BAIAP2L1: variants seen among roughly 807,000 people sequenced by gnomAD.
BAIAP2L1 encodes BAR/IMD domain containing adaptor protein 2 like 1, also known as BAR/IMD domain-containing adapter protein 2-like 1.
A neutral mutation model predicts 66.3 loss-of-function variants in BAIAP2L1; 35 were observed. That is an observed-to-expected ratio of 0.53 (90% CI 0.40 to 0.70). BAIAP2L1 has a LOEUF of 0.70. BAIAP2L1 is among the 30% of genes least tolerant of loss of function. BAIAP2L1 has a pLI of 0.00. For synonymous variants in BAIAP2L1, 269 were observed against 248.7 expected, an observed-to-expected ratio of 1.08 and a Z score of -0.77; for missense variants, 622 against 656.9, an observed-to-expected ratio of 0.95 and a Z score of 0.58.
chr7:98,318,433 C>T (rs890902316), intron 5 of BAIAP2L1, among the ~76,000 whole-genome samples: 1 of 151,806 alleles, frequency 6.6e-6, no homozygotes, highest in Admixed American at 6.6e-5. Context: ...GGATTACAGG[C>T]GCACACAACC....
intron 10 of BAIAP2L1, 58 bp from the exon 11 acceptor site, chr7:98,306,574 C>T (rs747273857): frequency 4.0e-5 from 64 of 1,612,746 alleles, no homozygotes; most frequent in Middle Eastern, 1.6e-4. Context: ...ACGGCAACCT[C>T]CCTGAACAAC....
intron 1 of BAIAP2L1, among the ~76,000 whole-genome samples, chr7:98,386,824 C>G (rs1301341856): frequency 6.6e-6 from 1 of 151,178 alleles, no homozygotes; most frequent in African/African-American, 2.4e-5. Context: ...CTCAGCCTCC[C>G]GAGTAGCTGG....
In BAIAP2L1 at chr7:98,292,896, C is replaced by T. The variant is rs1339619498; in HGVS notation, c.*625G>A. ...TCGGAGGAGATTTCGTCGAGTGCTACGTGTGGCTGTGATAAGGGCAGGCAA... is the reference window on the plus strand; with the variant it reads ...TCGGAGGAGATTTCGTCGAGTGCTATGTGTGGCTGTGATAAGGGCAGGCAA... On this transcript the variant is annotated 3_prime_UTR_variant, in exon 14 of 14. Transcript: ENST00000005260. The T allele has an allele frequency of 4.9e-6, 7 of 1,422,428 alleles. No individual in the cohort carries two copies. The highest frequency in any genetic ancestry group is 2.9e-5 in the African/African-American group (2 of 69,340). 88.1% of individuals were successfully genotyped at this position (1,422,428 alleles called of 1,614,324 possible). A position where few individuals can be genotyped will look rare whatever the true frequency, so the allele number is the denominator to read the frequency against.
intron 1 of BAIAP2L1, 143 bp downstream of exon 1, chr7:98,400,659 G>T: frequency 1.1e-6 from 1 of 920,470 alleles, no homozygotes; most frequent in Admixed American, 2.0e-5. Flanking sequence ...AGGGCCAGGG[G>T]AGGAGTGGGA....
At chr7:98,336,866 T>C (rs540518333) in intron 3 of BAIAP2L1, among the ~76,000 whole-genome samples, 21 of 152,294 alleles carry the variant, frequency 1.4e-4, no homozygotes, top group African/African-American at 4.6e-4. Flanking sequence ...TCACTATCCA[T>C]GGAATCAAGG....
chr7:98,308,560 G>A (rs962067171), intron 9 of BAIAP2L1: 2 of 342,876 alleles, frequency 5.8e-6, no homozygotes, highest in Admixed American at 3.8e-5. Flanking sequence ...ACCAGCTAGG[G>A]CAGGTTTGTC....
intron 1 of BAIAP2L1, among the ~76,000 whole-genome samples, chr7:98,378,426 C>T (rs1182588541): frequency 6.6e-6 from 1 of 152,200 alleles, no homozygotes; most frequent in South Asian, 2.1e-4. Context: ...CTGAGGCACA[C>T]TGGCCTCCGG....
intron 3 of BAIAP2L1, among the ~76,000 whole-genome samples, chr7:98,347,891 A>G (rs1433782854): frequency 1.3e-5 from 2 of 152,300 alleles, no homozygotes; most frequent in East Asian, 3.9e-4. Context: ...AACACAGAAC[A>G]GAAAACCAAA....
At chr7:98,308,660 AG>A (rs1253778306) in intron 9 of BAIAP2L1, 3 of 232,066 alleles carry the variant, frequency 1.3e-5, no homozygotes, top group Non-Finnish European at 2.6e-5. Flanking sequence ...GAAAAAAGGT[AG>A]AAAAAAATAT....
chr7:98,393,133 A>G (rs1350455729), intron 1 of BAIAP2L1, among the ~76,000 whole-genome samples: 2 of 98,800 alleles, frequency 2.0e-5, no homozygotes, highest in Admixed American at 1.1e-4. Context: ...GTATATATAC[A>G]CACATATGTG....
At position 98,390,208 on chromosome 7, in the gene BAIAP2L1, C is replaced by T. The variant is rs192986843; in HGVS notation, c.51+10594G>A. ...GGGATTACAGGCATGAGCCACTGCG[C>T]CCGGTCTCGGGTTAGTAAATGTTAA... On this transcript the variant is annotated intron_variant, in intron 1 of 13. Coordinates refer to ENST00000005260, the MANE Select transcript of BAIAP2L1 (RefSeq NM_018842.5). Among the ~76,000 whole-genome samples the T allele has an allele frequency of 6.4e-3, 967 of 151,816 alleles. 5 individuals are homozygous for T. The highest frequency in any genetic ancestry group is 0.01 in the Middle Eastern group (3 of 294).
intron 1 of BAIAP2L1, among the ~76,000 whole-genome samples, chr7:98,388,957 G>C (rs1802958713): frequency 6.8e-6 from 1 of 147,722 alleles, no homozygotes; most frequent in Admixed American, 7.0e-5. Flanking sequence ...CTGGACAACA[G>C]AGACCCTAAG....
intron 1 of BAIAP2L1, among the ~76,000 whole-genome samples, chr7:98,385,020 G>A (rs1181922995): frequency 2.0e-5 from 3 of 152,006 alleles, no homozygotes; most frequent in Non-Finnish European, 4.4e-5. Flanking sequence ...TCTTAAAATC[G>A]CAGCTGGGTG....
In BAIAP2L1 at chr7:98,298,944, C is replaced by T. The variant is rs111865946; in HGVS notation, c.1423-4833G>A. Among the ~76,000 whole-genome samples, 6 of 152,068 alleles carry T rather than the reference C, an allele frequency of 3.9e-5. 1 individual carries two copies. Among genetic ancestry groups the T allele is most frequent in the Admixed American group, 6.5e-5 (1 of 15,280 alleles). On this transcript the variant is annotated intron_variant, in intron 12 of 13. Transcript: ENST00000005260. ...GCAGCCTCGACCTCCTGGGCTCAAT[C>T]GATCCTCTCACCTCAGGCTCCTGAG...
intron 12 of BAIAP2L1, among the ~76,000 whole-genome samples, chr7:98,295,928 T>C (rs6970801): frequency 0.4 from 61,160 of 152,000 alleles, 13,428 homozygotes; most frequent in Middle Eastern, 0.54. Flanking sequence ...CACTCAGTGT[T>C]GGGCCAACCC....
At chr7:98,311,774 TGC>T (rs1800881822) in intron 8 of BAIAP2L1, among the ~76,000 whole-genome samples, 2 of 151,830 alleles carry the variant, frequency 1.3e-5, no homozygotes, top group Admixed American at 6.6e-5. Context: ...GGCATGGTGG[TGC>T]GCCCCAGTAA....
At chr7:98,399,930 G>A (rs1283083031) in intron 1 of BAIAP2L1, 1 of 152,192 alleles carries the variant, frequency 6.6e-6, no homozygotes, top group Non-Finnish European at 1.5e-5. Flanking sequence ...GGGAGAGGAA[G>A]GGTCTAAGGA....
intron 1 of BAIAP2L1, chr7:98,399,968 G>C (rs555733464): frequency 2.6e-5 from 4 of 152,220 alleles, no homozygotes; most frequent in South Asian, 4.2e-4. Flanking sequence ...AGAACGCCCA[G>C]AGCTCGGCTC....
At chr7:98,319,713 A>AT (rs978481120) in intron 5 of BAIAP2L1, among the ~76,000 whole-genome samples, 34 of 151,124 alleles carry the variant, frequency 2.2e-4, no homozygotes, top group African/African-American at 6.3e-4. Flanking sequence ...TGCTCAGCTA[A>AT]TTTTTTTTTG....
Sources: allele counts gnomAD v4.1 joint callset (sites outside exome capture counted in the v4.1 genomes callset), GRCh38; gene constraint gnomAD v4.1.1; transcripts MANE v1.5; gene names NCBI Gene and HGNC (gene_info 2026-07-23, HGNC 2026-07-21).